Variants in LLPH observed in about 807,000 individuals in gnomAD.
LLPH encodes the protein protein LLP homolog.
In LLPH, 5 loss-of-function variants were observed where a neutral mutation model predicts 13.3. That is an observed-to-expected ratio of 0.38 (90% CI 0.20 to 0.79). The LOEUF is 0.79. Among genes scored for constraint, LLPH ranks in the 30% least tolerant of loss-of-function variants. LLPH has a pLI of 0.45. For synonymous variants in LLPH, 32 were observed against 44.2 expected (o/e 0.72, Z 1.09); for missense variants, 129 against 152.1 (o/e 0.85, Z 0.80).
Position 66,119,743 on chromosome 12 carries a change from T to C in LLPH, c.*4097A>G, listed in dbSNP as rs754257915. 2 of 152,216 alleles carry C rather than the reference T, an allele frequency of 1.3e-5. No individual in the cohort carries two copies. The highest frequency in any genetic ancestry group is 2.9e-5 in the Non-Finnish European group (2 of 68,038). 9.4% of individuals were successfully genotyped at this position (152,216 alleles called of 1,614,324 possible). A position where few individuals can be genotyped will look rare whatever the true frequency, so the allele number is the denominator to read the frequency against. ...GCCTTAGATTCCTCCCAATTTTATG[T>C]TGTGGTCAGCACTTCCCTAAATTAC... is the stretch of plus-strand genomic sequence containing the variant. On this transcript the variant is annotated 3_prime_UTR_variant, in exon 3 of 3. Coordinates refer to ENST00000266604, the MANE Select transcript of LLPH (RefSeq NM_032338.4).
Position 66,122,023 on chromosome 12 carries a change from G to T in LLPH, c.*1817C>A, listed in dbSNP as rs1278340328. 6.6e-6 allele frequency: 1 copy of T among 151,540 alleles called. No individual in the cohort carries two copies. The highest frequency in any genetic ancestry group is 1.5e-5 in the Non-Finnish European group (1 of 67,918). 9.4% of individuals were successfully genotyped at this position (151,540 alleles called of 1,614,324 possible). A position where few individuals can be genotyped will look rare whatever the true frequency, so the allele number is the denominator to read the frequency against. ...ATTCACTTTTCCCTCACAAATGCTAGTGTTATTCATACCTACACCAAAGGC... is the reference window on the plus strand; with the variant it reads ...ATTCACTTTTCCCTCACAAATGCTATTGTTATTCATACCTACACCAAAGGC... On this transcript the variant is annotated 3_prime_UTR_variant, in exon 3 of 3. Transcript: ENST00000266604.
Position 66,121,880 on chromosome 12 carries a change from T to A in LLPH, c.*1960A>T, listed in dbSNP as rs1209297109. ...GCCTGGGTGACAGAGTGAGACCCCATCTCAAAAAAAAAAAAAAAAAAAACA... is the reference window on the plus strand; with the variant it reads ...GCCTGGGTGACAGAGTGAGACCCCAACTCAAAAAAAAAAAAAAAAAAAACA... On this transcript the variant is annotated 3_prime_UTR_variant, in exon 3 of 3. Transcript: ENST00000266604. The A allele has an allele frequency of 1.9e-5, 2 of 105,760 alleles. No individual in the cohort carries two copies. Among genetic ancestry groups the A allele is most frequent in the Non-Finnish European group, 1.9e-5 (1 of 53,616 alleles). The allele number at this position is 105,760 out of a possible 1,614,324, so 6.6% of individuals were successfully genotyped here. A position where few individuals can be genotyped will look rare whatever the true frequency, so the allele number is the denominator to read the frequency against.
In LLPH at chr12:66,118,895, T is replaced by C. The variant is rs1414180835; in HGVS notation, c.*4945A>G. The C allele has an allele frequency of 6.6e-6, 1 of 152,202 alleles. No individual in the cohort carries two copies. The allele number at this position is 152,202 out of a possible 1,614,324, so 9.4% of individuals were successfully genotyped here. A position where few individuals can be genotyped will look rare whatever the true frequency, so the allele number is the denominator to read the frequency against. On this transcript the variant is annotated 3_prime_UTR_variant, in exon 3 of 3. Transcript: ENST00000266604. ...CCTGGCACCAATCCCCGATAGATTC[T>C]GAAGGATAACTCTACAGTGTTTGAA...
Position 66,117,639 on chromosome 12 carries a change from G to C in LLPH, c.*6201C>G, listed in dbSNP as rs2051437236. 6.6e-6 allele frequency: 1 copy of C among 152,220 alleles called. No individual in the cohort carries two copies. Among genetic ancestry groups the C allele is most frequent in the Non-Finnish European group, 1.5e-5 (1 of 68,054 alleles). 9.4% of individuals were successfully genotyped at this position (152,220 alleles called of 1,614,324 possible). Reference sequence around the variant, plus strand: ...CTTCTACTTAAAGAAAAAGTTGACTGTGAACAGCCTCAGGCAGGTCCTCCA... The same window carrying C: ...CTTCTACTTAAAGAAAAAGTTGACTCTGAACAGCCTCAGGCAGGTCCTCCA... On this transcript the variant is annotated 3_prime_UTR_variant, in exon 3 of 3. Transcript: ENST00000266604.
intron 1 of LLPH, among the ~76,000 whole-genome samples, chr12:66,129,538 A>T (rs2051520999): frequency 6.6e-6 from 1 of 152,076 alleles, no homozygotes; most frequent in South Asian, 2.1e-4. Flanking sequence ...GGCGCCCGCC[A>T]CCACGCCTGG....
rs1179750354 is a variant in LLPH, at chr12:66,129,242, T to C, written c.-7-129A>G. On this transcript the variant is annotated intron_variant, in intron 1 of 2. Coordinates refer to ENST00000266604, the MANE Select transcript of LLPH (RefSeq NM_032338.4). ...GTGAAAAGTAAAACTCTTCAATCTG[T>C]TCACTTTTTAGGACTTAACATGCAA... is the stretch of plus-strand genomic sequence containing the variant. 7.7e-6 allele frequency: 5 copies of C among 652,312 alleles called. No homozygotes were observed. The African/African-American group carries it at 9.2e-5, about 12-fold the overall frequency. The allele number at this position is 652,312 out of a possible 1,614,324, so 40.4% of individuals were successfully genotyped here.
intron 1 of LLPH, among the ~76,000 whole-genome samples, chr12:66,129,713 A>G (rs762108712): frequency 6.6e-6 from 1 of 152,132 alleles, no homozygotes; most frequent in African/African-American, 2.4e-5. Flanking sequence ...CAGAAATTTA[A>G]TTTCCCCAGA....
At chr12:66,125,233 G>A (rs1009761414) in intron 2 of LLPH, among the ~76,000 whole-genome samples, 2 of 152,158 alleles carry the variant, frequency 1.3e-5, no homozygotes, top group African/African-American at 4.8e-5. Context: ...AAGTAAAAAG[G>A]CTCCTATAAT....
At position 66,120,708 on chromosome 12, in the gene LLPH, T is replaced by A. The variant is rs950888359; in HGVS notation, c.*3132A>T. The A allele has an allele frequency of 6.6e-6, 1 of 152,192 alleles. No homozygotes were observed. Among genetic ancestry groups the A allele is most frequent in the East Asian group, 1.9e-4 (1 of 5,200 alleles). 9.4% of individuals were successfully genotyped at this position (152,192 alleles called of 1,614,324 possible). Reference sequence around the variant, plus strand: ...GGCTTTACAGCAATTCTCTGGAAAATGTCAGTCAAAAAGATGACAAATTTC... The same window carrying A: ...GGCTTTACAGCAATTCTCTGGAAAAAGTCAGTCAAAAAGATGACAAATTTC... On this transcript the variant is annotated 3_prime_UTR_variant, in exon 3 of 3. Coordinates refer to ENST00000266604, the MANE Select transcript of LLPH (RefSeq NM_032338.4).
intron 2 of LLPH, among the ~76,000 whole-genome samples, chr12:66,126,146 A>G (rs2051494787): frequency 6.6e-6 from 1 of 151,910 alleles, no homozygotes; most frequent in South Asian, 2.1e-4. Flanking sequence ...AACATGGTGA[A>G]ACCCCGTCTC....
At position 66,123,577 on chromosome 12, in the gene LLPH, C is replaced by A; in HGVS notation, c.*263G>T. 2.3e-6 allele frequency: 1 copy of A among 435,850 alleles called. No individual in the cohort carries two copies. Among genetic ancestry groups the A allele is most frequent in the South Asian group, 4.5e-5 (1 of 22,156 alleles). 27.0% of individuals were successfully genotyped at this position (435,850 alleles called of 1,614,324 possible). ...CTAACCATATTAATACCTGACAGAA[C>A]GTTGAGGCCTGATTATAACTGGATA... On this transcript the variant is annotated 3_prime_UTR_variant, in exon 3 of 3. Coordinates refer to ENST00000266604, the MANE Select transcript of LLPH (RefSeq NM_032338.4).
intron 2 of LLPH, 83 bp from the exon 3 acceptor site, chr12:66,124,101 C>A: frequency 2.3e-6 from 2 of 878,900 alleles, no homozygotes; most frequent in Non-Finnish European, 3.5e-6. Context: ...CTGAGAACAT[C>A]AGAACATTAG....
chr12:66,118,833 G>T lies in LLPH; in HGVS notation c.*5007C>A, dbSNP rs1460049850. The stretch of plus-strand genomic sequence containing the variant: ...AAATATTTCACCAGTTTATGTAAGC[G>T]ATTCGAGCATCTGTGGATTTTGGTA... On this transcript the variant is annotated 3_prime_UTR_variant, in exon 3 of 3. Coordinates refer to ENST00000266604, the MANE Select transcript of LLPH (RefSeq NM_032338.4). The T allele has an allele frequency of 6.6e-6, 1 of 152,180 alleles. No individual in the cohort carries two copies. Among genetic ancestry groups the T allele is most frequent in the Non-Finnish European group, 1.5e-5 (1 of 68,046 alleles). 9.4% of individuals were successfully genotyped at this position (152,180 alleles called of 1,614,324 possible).
intron 2 of LLPH, among the ~76,000 whole-genome samples, chr12:66,125,532 A>C (rs1454771301): frequency 2.0e-5 from 3 of 152,140 alleles, no homozygotes; most frequent in African/African-American, 4.8e-5. Flanking sequence ...TCTCAGTCTC[A>C]CCACCCTTTA....
At position 66,123,837 on chromosome 12, in the gene LLPH, A is replaced by G. The variant is rs1238768573; in HGVS notation, c.*3T>C. Reference sequence around the variant, plus strand: ...ATGTGGCATTTTCCAAGGTTTTAAGAGTCTACCAGGCCAAACCCTTTGCCA... The same window carrying G: ...ATGTGGCATTTTCCAAGGTTTTAAGGGTCTACCAGGCCAAACCCTTTGCCA... On this transcript the variant is annotated 3_prime_UTR_variant, in exon 3 of 3. Transcript: ENST00000266604. 1.9e-6 allele frequency: 3 copies of G among 1,611,722 alleles called. No homozygotes were observed. The highest frequency in any genetic ancestry group is 2.5e-6 in the Non-Finnish European group (3 of 1,179,770).
rs765196322 is a variant in LLPH at position 66,123,962 on chromosome 12, G to A, written c.268C>T (p.His90Tyr). The A allele has an allele frequency of 2.5e-6, 4 of 1,612,384 alleles. No homozygotes were observed. The African/African-American group carries it at 5.3e-5, about 22-fold the overall frequency. ...KRNKKTLLDQ[H>Y]GQYPIWMNQR... ...TTCATCCATATTGGGTACTGTCCATGCTGGTCTAGAAGAGTCTTTTTGTTT... is the reference window on the plus strand; with the variant it reads ...TTCATCCATATTGGGTACTGTCCATACTGGTCTAGAAGAGTCTTTTTGTTT... The change falls in exon 3 of 3, where the codon CAT becomes TAT. Residue 90 changes from histidine (H) to tyrosine (Y), a missense_variant. By Grantham distance (83) the His-to-Tyr change is moderately conservative. Transcript: ENST00000266604.
intron 2 of LLPH, among the ~76,000 whole-genome samples, chr12:66,125,121 GTTT>G (rs2051488255): frequency 6.6e-6 from 1 of 152,060 alleles, no homozygotes; most frequent in Non-Finnish European, 1.5e-5. Flanking sequence ...AGATAATGAG[GTTT>G]TTAAGCATGG....
intron 2 of LLPH, among the ~76,000 whole-genome samples, chr12:66,127,275 A>C (rs1224363855): frequency 6.6e-6 from 1 of 152,260 alleles, no homozygotes; most frequent in Admixed American, 6.5e-5. Context: ...CCAAATGCCC[A>C]GCAACCGTTG....
rs1330495648 is a variant in LLPH, at chr12:66,118,653, G to C, written c.*5187C>G. 1 of 152,144 alleles carries C rather than the reference G, an allele frequency of 6.6e-6. No individual in the cohort carries two copies. Among genetic ancestry groups the C allele is most frequent in the African/African-American group, 2.4e-5 (1 of 41,418 alleles). 9.4% of individuals were successfully genotyped at this position (152,144 alleles called of 1,614,324 possible). ...CAATAGGCTATATCACATAGCCTAA[G>C]TGTAGTAGACGATACCCTCTAGATT... On this transcript the variant is annotated 3_prime_UTR_variant, in exon 3 of 3. Coordinates refer to ENST00000266604, the MANE Select transcript of LLPH (RefSeq NM_032338.4).
Sources: gnomAD v4.1 joint callset for allele counts (sites outside exome capture counted in the v4.1 genomes callset) on GRCh38, gnomAD v4.1.1 for gene constraint, MANE v1.5 for transcripts, NCBI Gene and HGNC (gene_info 2026-07-23, HGNC 2026-07-21) for gene names.